PEX5L: variants seen among roughly 807,000 people sequenced by gnomAD.
PEX5L encodes PEX5-related protein.
PEX5L carries 30 observed loss-of-function variants against 84.0 expected under a neutral mutation model. That is an observed-to-expected ratio of 0.36 (90% CI 0.27 to 0.48). The LOEUF is 0.48. PEX5L is among the 20% of genes least tolerant of loss of function. PEX5L has a pLI of 0.99. For missense variants in PEX5L, 533 were observed against 754.6 expected (o/e 0.71, Z 3.44); for synonymous variants, 270 against 283.1 (o/e 0.95, Z 0.46).
intron 2 of PEX5L, chr3:179,900,534 T>G (rs1578203210): frequency 1.6e-6 from 1 of 628,324 alleles, no homozygotes; most frequent in East Asian, 2.8e-5. Flanking sequence ...GGACATGCCA[T>G]TTCACTAAAA....
At chr3:179,833,225 T>C (rs1214416284) in intron 8 of PEX5L, among the ~76,000 whole-genome samples, 1 of 152,160 alleles carries the variant, frequency 6.6e-6, no homozygotes, top group African/African-American at 2.4e-5. Context: ...AGTGAAGAAA[T>C]AAGAGGATTT....
intron 7 of PEX5L, among the ~76,000 whole-genome samples, chr3:179,866,834 G>A (rs1748399266): frequency 6.6e-6 from 1 of 151,736 alleles, no homozygotes; most frequent in African/African-American, 2.4e-5. Context: ...AAACCAGCCT[G>A]GGCAACATCG....
intron 8 of PEX5L, among the ~76,000 whole-genome samples, chr3:179,825,426 T>G (rs921869444): frequency 6.6e-6 from 1 of 152,182 alleles, no homozygotes; most frequent in Non-Finnish European, 1.5e-5. Context: ...CAAAGAATTC[T>G]TTGGTCTCTA....
At chr3:179,939,507 C>T (rs1775478752) in intron 2 of PEX5L, among the ~76,000 whole-genome samples, 1 of 152,170 alleles carries the variant, frequency 6.6e-6, no homozygotes, top group African/African-American at 2.4e-5. Context: ...GGAATTAAAG[C>T]TTCAAAGAAA....
At chr3:179,956,013 A>G (rs13097429) in intron 2 of PEX5L, among the ~76,000 whole-genome samples, 21,308 of 152,162 alleles carry the variant, frequency 0.14, 1,658 homozygotes, top group South Asian at 0.32. Context: ...CTTACAGACG[A>G]TACCATCTTG....
intron 2 of PEX5L, among the ~76,000 whole-genome samples, chr3:179,913,410 T>G (rs1431825029): frequency 1.3e-5 from 2 of 152,164 alleles, no homozygotes; most frequent in Non-Finnish European, 2.9e-5. Flanking sequence ...TTAAAGATCT[T>G]ATTGCAAATT....
At chr3:179,939,842 T>C (rs147450402) in intron 2 of PEX5L, among the ~76,000 whole-genome samples, 157 of 152,170 alleles carry the variant, frequency 1.0e-3, no homozygotes, top group Non-Finnish European at 1.8e-3. Context: ...GTGTACATCA[T>C]GCAAAGTTGG....
rs1179148576 is a variant in PEX5L at position 179,797,589 on chromosome 3, T to TAAAAA, written c.*4234_*4238dup. On this transcript the variant is annotated 3_prime_UTR_variant, in exon 15 of 15. Coordinates refer to ENST00000467460, the MANE Select transcript of PEX5L (RefSeq NM_016559.3). ...CCAGAGTTTATCTATGAACACTCTT[T>TAAAAA]AAAAAAAAAAAAAAAAATATATATA... 9 of 118,702 alleles carry TAAAAA rather than the reference T, an allele frequency of 7.6e-5. No homozygotes were observed. Among genetic ancestry groups the TAAAAA allele is most frequent in the Non-Finnish European group, 1.4e-4 (8 of 59,186 alleles). 7.4% of individuals were successfully genotyped at this position (118,702 alleles called of 1,614,324 possible).
chr3:179,977,212 T>C (rs1236516165), intron 1 of PEX5L, among the ~76,000 whole-genome samples: 1 of 152,208 alleles, frequency 6.6e-6, no homozygotes, highest in African/African-American at 2.4e-5. Context: ...ATCCATAACA[T>C]TGCCACAGAA....
chr3:179,865,507 C>A (rs1303893112), intron 7 of PEX5L, among the ~76,000 whole-genome samples: 1 of 150,430 alleles, frequency 6.6e-6, no homozygotes. Context: ...CCTTTCAATG[C>A]AAACTTTTTT....
In PEX5L at chr3:179,806,014, A is replaced by G. The variant is rs201647205; in HGVS notation, c.1676+1660T>C. 2.0e-5 allele frequency among the ~76,000 whole-genome samples: 3 copies of G among 150,114 alleles called. No homozygotes were observed. In the East Asian group the frequency reaches 5.8e-4, roughly 29 times the overall value. On this transcript the variant is annotated intron_variant, in intron 14 of 14. Transcript: ENST00000467460. ...AAAATATATAAAATATACATAGTAT[A>G]TATATAAAATGTATGTAATATTTAT...
At chr3:179,812,054 C>G (rs1273934488) in intron 10 of PEX5L, among the ~76,000 whole-genome samples, 183 bp from the exon 11 acceptor site, 1 of 152,168 alleles carries the variant, frequency 6.6e-6, no homozygotes, top group East Asian at 1.9e-4. Context: ...ACACCTGGCT[C>G]AAGATCCTCT....
At chr3:179,877,814 C>G (rs1752916445) in intron 5 of PEX5L, among the ~76,000 whole-genome samples, 1 of 151,750 alleles carries the variant, frequency 6.6e-6, no homozygotes. Flanking sequence ...ATTTGTACAA[C>G]TGAATAAACC....
intron 8 of PEX5L, among the ~76,000 whole-genome samples, chr3:179,854,127 G>C (rs1457127724): frequency 6.7e-6 from 1 of 149,334 alleles, no homozygotes; most frequent in African/African-American, 2.5e-5. Flanking sequence ...TAGGATTACA[G>C]GCATGAGGCA....
chr3:179,849,247 G>A (rs1414772535), intron 8 of PEX5L, among the ~76,000 whole-genome samples: 1 of 152,078 alleles, frequency 6.6e-6, no homozygotes, highest in African/African-American at 2.4e-5. Flanking sequence ...AATTAATACA[G>A]TTCTATTACT....
At chr3:179,863,157 C>G (rs890703583) in intron 7 of PEX5L, among the ~76,000 whole-genome samples, 3 of 152,070 alleles carry the variant, frequency 2.0e-5, no homozygotes, top group African/African-American at 4.8e-5. Context: ...GAAATTACAC[C>G]CTTTTCTCAC....
intron 9 of PEX5L, among the ~76,000 whole-genome samples, chr3:179,816,904 G>A (rs1726334284): frequency 6.6e-6 from 1 of 151,706 alleles, no homozygotes; most frequent in South Asian, 2.1e-4. Context: ...CCACAACCGA[G>A]ATACGACCAC....
chr3:179,885,193 G>A (rs1385512366), intron 4 of PEX5L, among the ~76,000 whole-genome samples: 1 of 152,094 alleles, frequency 6.6e-6, no homozygotes, highest in African/African-American at 2.4e-5. Context: ...CCCTACGTTG[G>A]AGAGTATTAT....
intron 14 of PEX5L, 116 bp downstream of exon 14, chr3:179,807,558 G>T (rs1721832619): frequency 1.1e-6 from 1 of 925,806 alleles, no homozygotes; most frequent in African/African-American, 1.6e-5. Flanking sequence ...ACCCTTAACG[G>T]CAGGAGGAGG....
Sources: gnomAD v4.1 joint callset for allele counts (sites outside exome capture counted in the v4.1 genomes callset) on GRCh38, gnomAD v4.1.1 for gene constraint, MANE v1.5 for transcripts, NCBI Gene and HGNC (gene_info 2026-07-23, HGNC 2026-07-21) for gene names.